The following CDK14 variants were observed in gnomAD, a reference collection of about 807,000 sequenced individuals.
The protein encoded by CDK14 is cyclin dependent kinase 14, also known as cyclin-dependent kinase 14.
In CDK14, 34 loss-of-function variants were observed where a neutral mutation model predicts 60.7. The ratio of observed to expected loss-of-function variants is 0.56; its 90% CI spans 0.43 to 0.75. CDK14 has a LOEUF of 0.75. CDK14 is among the 30% of genes least tolerant of loss of function. The pLI, the probability that CDK14 is intolerant of heterozygous loss-of-function variation, is 0.00. For synonymous variants in CDK14, 197 were observed against 203.7 expected (o/e 0.97, Z 0.28); for missense variants, 482 against 564.1 (o/e 0.85, Z 1.47).
At chr7:90,658,438 C>T (rs1584774699) in intron 2 of CDK14, among the ~76,000 whole-genome samples, 1 of 152,152 alleles carries the variant, frequency 6.6e-6, no homozygotes, top group South Asian at 2.1e-4. Flanking sequence ...ATAAGGGCTC[C>T]ACCCTCGTGA....
At chr7:90,660,589 G>A (rs1800848133) in intron 2 of CDK14, among the ~76,000 whole-genome samples, 1 of 152,192 alleles carries the variant, frequency 6.6e-6, no homozygotes, top group Non-Finnish European at 1.5e-5. Flanking sequence ...GTGTCAAAAT[G>A]TGACGAACTA....
intron 8 of CDK14, among the ~76,000 whole-genome samples, chr7:90,922,577 ATTACT>A (rs1299704325): frequency 6.6e-6 from 1 of 152,184 alleles, no homozygotes; most frequent in East Asian, 1.9e-4. Flanking sequence ...CCTTTGACAC[ATTACT>A]TTAAAGATAT....
chr7:90,812,991 G>T (rs1019999943), intron 5 of CDK14, among the ~76,000 whole-genome samples: 4 of 152,122 alleles, frequency 2.6e-5, no homozygotes, highest in African/African-American at 7.2e-5. Flanking sequence ...TTATTATGCA[G>T]AATAGCCAAA....
intron 2 of CDK14, 96 bp from the exon 3 acceptor site, chr7:90,726,471 C>T: frequency 2.2e-6 from 3 of 1,373,816 alleles, no homozygotes; most frequent in Non-Finnish European, 3.0e-6. Context: ...TTTCCTGAAA[C>T]TGAAATTGGC....
At chr7:91,177,635 C>T (rs1335495351) in intron 14 of CDK14, among the ~76,000 whole-genome samples, 1 of 151,668 alleles carries the variant, frequency 6.6e-6, no homozygotes, top group African/African-American at 2.4e-5. Context: ...AATCAACGTA[C>T]AAAAATCACA....
At chr7:91,167,181 C>G (rs1009620638) in intron 14 of CDK14, among the ~76,000 whole-genome samples, 2 of 152,136 alleles carry the variant, frequency 1.3e-5, no homozygotes, top group Non-Finnish European at 2.9e-5. Flanking sequence ...CTTTTGTCAC[C>G]GAACAACACA....
chr7:90,815,856 G>C (rs1789330771), intron 5 of CDK14, among the ~76,000 whole-genome samples: 2 of 151,680 alleles, frequency 1.3e-5, no homozygotes, highest in African/African-American at 2.4e-5. Context: ...TCATAAGTGG[G>C]AGTTGAACAA....
At chr7:91,157,177 T>C (rs560991310) in intron 14 of CDK14, among the ~76,000 whole-genome samples, 4 of 152,320 alleles carry the variant, frequency 2.6e-5, no homozygotes, top group South Asian at 4.1e-4. Flanking sequence ...AATGTGTGTA[T>C]GAAAAGCAAT....
rs1792845787 is a variant in CDK14, at chr7:90,910,162, T to C, written c.703-7439T>C. Among the ~76,000 whole-genome samples the C allele has an allele frequency of 2.0e-5, 3 of 152,354 alleles. No homozygotes were observed. In the South Asian group the frequency reaches 6.2e-4, roughly 32 times the overall value. On this transcript the variant is annotated intron_variant, in intron 7 of 14. Transcript: ENST00000380050. ...TGTTGAATAGCTAGGGTTTTATTTC[T>C]CTTTTTTTATATCTCTGTATAACCG...
intron 2 of CDK14, among the ~76,000 whole-genome samples, chr7:90,610,101 T>A (rs17862244): frequency 0.02 from 2,972 of 152,306 alleles, 47 homozygotes; most frequent in Non-Finnish European, 0.028. Flanking sequence ...AGTTTCTAGA[T>A]GATCCCTTCT....
chr7:90,907,037 T>C (rs1421550000), intron 7 of CDK14, among the ~76,000 whole-genome samples: 1 of 152,072 alleles, frequency 6.6e-6, no homozygotes, highest in African/African-American at 2.4e-5. Context: ...TAGCATAATA[T>C]CAATTTTTGA....
chr7:90,895,396 CT>C (rs1424544352), intron 6 of CDK14, among the ~76,000 whole-genome samples: 8 of 13,236 alleles, frequency 6.0e-4, no homozygotes, highest in Non-Finnish European at 1.1e-3. Context: ...CTCTCCTCTC[CT>C]CTCCTCTCCT....
chr7:90,995,385 A>G (rs1795655430), intron 10 of CDK14, among the ~76,000 whole-genome samples: 1 of 152,140 alleles, frequency 6.6e-6, no homozygotes, highest in Admixed American at 6.6e-5. Flanking sequence ...TTAACACCTT[A>G]ATTGCCCCCT....
At chr7:90,710,586 A>G (rs947081085) in intron 2 of CDK14, 12 of 972,798 alleles carry the variant, frequency 1.2e-5, no homozygotes, top group Non-Finnish European at 1.5e-5. Flanking sequence ...ATTTTGCATC[A>G]TTACACCTGT....
intron 6 of CDK14, among the ~76,000 whole-genome samples, chr7:90,889,413 A>G (rs1792046829): frequency 6.6e-6 from 1 of 152,218 alleles, no homozygotes; most frequent in Non-Finnish European, 1.5e-5. Flanking sequence ...GCATTTGGAA[A>G]TGCTTCCTGT....
intron 9 of CDK14, among the ~76,000 whole-genome samples, chr7:90,968,302 A>C (rs1315861117): frequency 6.6e-6 from 1 of 152,238 alleles, no homozygotes; most frequent in East Asian, 1.9e-4. Context: ...ATAGTTGAAA[A>C]AGAACTAAAC....
At chr7:90,602,871 C>A (rs915272317) in intron 1 of CDK14, among the ~76,000 whole-genome samples, 1 of 152,192 alleles carries the variant, frequency 6.6e-6, no homozygotes, top group Non-Finnish European at 1.5e-5. Context: ...CCTGCATCCC[C>A]CTTAACTCAC....
intron 4 of CDK14, among the ~76,000 whole-genome samples, chr7:90,784,417 G>A (rs944016592): frequency 6.6e-6 from 1 of 152,172 alleles, no homozygotes; most frequent in African/African-American, 2.4e-5. Context: ...AGTGGATATG[G>A]AAAGTTCTCA....
At chr7:90,947,680 T>A (rs73227058) in intron 8 of CDK14, among the ~76,000 whole-genome samples, 8,902 of 152,148 alleles carry the variant, frequency 0.059, 393 homozygotes, top group South Asian at 0.093. Flanking sequence ...TGCCTCCTCC[T>A]ACTACTTAAA....
Sources: allele counts gnomAD v4.1 joint callset (sites outside exome capture counted in the v4.1 genomes callset), GRCh38; gene constraint gnomAD v4.1.1; transcripts MANE v1.5; gene names NCBI Gene and HGNC (gene_info 2026-07-23, HGNC 2026-07-21).